The following ARL15 variants were observed in gnomAD, a reference collection of about 807,000 sequenced individuals.
ARL15 encodes the protein ARF like GTPase 15.
In ARL15, 19 loss-of-function variants were observed where a neutral mutation model predicts 25.2. The observed-to-expected ratio is 0.75, with a 90% confidence interval of 0.53 to 1.10. The LOEUF is 1.10. Ranked by LOEUF, ARL15 falls within the 50% of genes least tolerant of loss-of-function variation. ARL15 has a pLI of 0.00. For synonymous variants in ARL15, 94 were observed against 86.8 expected (o/e 1.08, Z -0.46); for missense variants, 220 against 246.0 (o/e 0.89, Z 0.71).
chr5:54,087,602 TTTAAAATATAAACATGTGACTG>T (rs1473671850), intron 4 of ARL15, among the ~76,000 whole-genome samples: 1 of 152,184 alleles, frequency 6.6e-6, no homozygotes, highest in African/African-American at 2.4e-5. Context: ...ATTCCACTCT[TTTAAAATATAAACATGTGACTG>T]TTAAAATATA....
Position 53,985,712 on chromosome 5 carries a change from C to G in ARL15, c.463-98999G>C, listed in dbSNP as rs1031050695. On this transcript the variant is annotated intron_variant, in intron 4 of 4. Coordinates refer to ENST00000504924, the MANE Select transcript of ARL15 (RefSeq NM_019087.3). ...TAGTACATTTGCTTATCTATTCATCCGCTGATGGATACTTGGGTTGCCTCT... is the reference window on the plus strand; with the variant it reads ...TAGTACATTTGCTTATCTATTCATCGGCTGATGGATACTTGGGTTGCCTCT... Among the ~76,000 whole-genome samples the G allele has an allele frequency of 2.0e-5, 3 of 152,156 alleles. No individual in the cohort carries two copies. In the South Asian group the frequency reaches 6.2e-4, roughly 32 times the overall value.
intron 4 of ARL15, among the ~76,000 whole-genome samples, chr5:54,014,970 T>C (rs1216797107): frequency 6.6e-6 from 1 of 152,038 alleles, no homozygotes; most frequent in Non-Finnish European, 1.5e-5. Context: ...AGGTTTTCCC[T>C]TTGCCCCTAT....
At chr5:53,918,440 C>T (rs886867523) in intron 4 of ARL15, among the ~76,000 whole-genome samples, 1 of 152,112 alleles carries the variant, frequency 6.6e-6, no homozygotes, top group Non-Finnish European at 1.5e-5. Context: ...TGATCCTCCA[C>T]CTTGGCCTCC....
chr5:54,125,314 G>A (rs1183812576), intron 3 of ARL15, among the ~76,000 whole-genome samples: 1 of 152,080 alleles, frequency 6.6e-6, no homozygotes, highest in Non-Finnish European at 1.5e-5. Flanking sequence ...GATTACAGGC[G>A]TGAGCCACCG....
At chr5:53,956,796 T>G (rs1322238000) in intron 4 of ARL15, among the ~76,000 whole-genome samples, 1 of 151,960 alleles carries the variant, frequency 6.6e-6, no homozygotes, top group Admixed American at 6.6e-5. Context: ...AGCTGAAAAC[T>G]ACAATGACTC....
chr5:54,271,418 T>A (rs1316382946), intron 1 of ARL15, among the ~76,000 whole-genome samples: 1 of 152,166 alleles, frequency 6.6e-6, no homozygotes, highest in East Asian at 1.9e-4. Context: ...ATACTTTAAA[T>A]CATCTCTAGA....
At chr5:54,010,682 CAAT>C (rs1749207505) in intron 4 of ARL15, among the ~76,000 whole-genome samples, 1 of 152,118 alleles carries the variant, frequency 6.6e-6, no homozygotes, top group African/African-American at 2.4e-5. Context: ...TTGATCCCAA[CAAT>C]GACTCCATCA....
chr5:54,203,997 C>A lies in ARL15; in HGVS notation c.49-32069G>T, dbSNP rs188756958. Among the ~76,000 whole-genome samples the A allele has an allele frequency of 2.7e-3, 413 of 152,166 alleles. 3 individuals are homozygous for A. The highest frequency in any genetic ancestry group is 9.5e-3 in the African/African-American group (395 of 41,510). ...TGGCAAACTAAGTCCCACCTTTGCC[C>A]ACCCCGCCAAGGTTTTTTTGTTTGT... On this transcript the variant is annotated intron_variant, in intron 1 of 4. Coordinates refer to ENST00000504924, the MANE Select transcript of ARL15 (RefSeq NM_019087.3).
chr5:54,128,913 G>A (rs1044935509), intron 3 of ARL15, among the ~76,000 whole-genome samples: 3 of 151,962 alleles, frequency 2.0e-5, no homozygotes, highest in East Asian at 1.9e-4. Flanking sequence ...TACCATGTTA[G>A]CCAGGACGGT....
chr5:53,940,573 G>A (rs1279813107), intron 4 of ARL15, among the ~76,000 whole-genome samples: 2 of 152,088 alleles, frequency 1.3e-5, no homozygotes, highest in East Asian at 3.9e-4. Flanking sequence ...GCATGTTCTA[G>A]TATAACCTTA....
chr5:54,044,007 C>T (rs1750429201), intron 4 of ARL15, among the ~76,000 whole-genome samples: 1 of 151,968 alleles, frequency 6.6e-6, no homozygotes, highest in Non-Finnish European at 1.5e-5. Context: ...TATCTCAAAA[C>T]AAACAAAAAA....
chr5:54,028,885 G>T (rs575002539), intron 4 of ARL15, among the ~76,000 whole-genome samples: 2 of 152,272 alleles, frequency 1.3e-5, no homozygotes, highest in East Asian at 3.9e-4. Flanking sequence ...AACCAGGTAT[G>T]GTGGTATGCG....
chr5:54,005,770 G>A (rs1749010969), intron 4 of ARL15, among the ~76,000 whole-genome samples: 1 of 151,842 alleles, frequency 6.6e-6, no homozygotes, highest in African/African-American at 2.4e-5. Flanking sequence ...GCTGAGGCAG[G>A]AGAATGGTGT....
chr5:53,911,741 G>A (rs1263836850), intron 4 of ARL15, among the ~76,000 whole-genome samples: 2 of 151,958 alleles, frequency 1.3e-5, no homozygotes, highest in Non-Finnish European at 2.9e-5. Flanking sequence ...ATACTTTTGT[G>A]TTCTCATAGC....
intron 4 of ARL15, among the ~76,000 whole-genome samples, chr5:54,027,827 G>A (rs150593560): frequency 1.3e-5 from 2 of 152,114 alleles, no homozygotes; most frequent in South Asian, 2.1e-4. Context: ...TGTATTTTGC[G>A]CTGAACATTC....
rs576082520 is a variant in ARL15 at position 53,998,618 on chromosome 5, T to C, written c.463-111905A>G. Among the ~76,000 whole-genome samples, 5 of 152,192 alleles carry C rather than the reference T, an allele frequency of 3.3e-5. No homozygotes were observed. In the South Asian group the frequency reaches 6.2e-4, roughly 19 times the overall value. On this transcript the variant is annotated intron_variant, in intron 4 of 4. Transcript: ENST00000504924. ...GGTTAGAGATGCAAAAGAATAAAAG[T>C]GGAATATTTACATAAGAGATGAGGG...
At chr5:53,988,034 C>T (rs567932640) in intron 4 of ARL15, among the ~76,000 whole-genome samples, 18 of 151,976 alleles carry the variant, frequency 1.2e-4, no homozygotes, top group African/African-American at 3.9e-4. Flanking sequence ...ACCCGGGAGG[C>T]GGAGCTTGCA....
chr5:54,154,926 TC>T (rs1219854597), intron 2 of ARL15, among the ~76,000 whole-genome samples: 3 of 152,128 alleles, frequency 2.0e-5, no homozygotes, highest in East Asian at 3.9e-4. Flanking sequence ...ATCAAGACCA[TC>T]CTGGGCAACA....
At chr5:54,153,711 T>C (rs1270347801) in intron 3 of ARL15, among the ~76,000 whole-genome samples, 1 of 152,180 alleles carries the variant, frequency 6.6e-6, no homozygotes, top group Non-Finnish European at 1.5e-5. Flanking sequence ...AGCCAGTTTT[T>C]TATTAGATAA....
Sources: allele counts gnomAD v4.1 joint callset (sites outside exome capture counted in the v4.1 genomes callset), GRCh38; gene constraint gnomAD v4.1.1; transcripts MANE v1.5; gene names NCBI Gene and HGNC (gene_info 2026-07-23, HGNC 2026-07-21).